The following FBXO43 variants were observed in gnomAD, a reference collection of about 807,000 sequenced individuals.
The protein encoded by FBXO43 is F-box only protein 43.
A neutral mutation model predicts 56.7 loss-of-function variants in FBXO43; 22 were observed. The observed-to-expected ratio is 0.39, with a 90% confidence interval of 0.28 to 0.55. FBXO43 has a LOEUF of 0.55. Ranked by LOEUF, FBXO43 falls within the 20% of genes least tolerant of loss-of-function variation. FBXO43 has a pLI of 0.66. For synonymous variants in FBXO43, 306 were observed against 294.5 expected (o/e 1.04, Z -0.40); for missense variants, 733 against 814.9 (o/e 0.90, Z 1.22).
intron 3 of FBXO43, chr8:100,136,902 C>T (rs1468903913): frequency 6.6e-6 from 1 of 152,202 alleles, no homozygotes; most frequent in Non-Finnish European, 1.5e-5. Flanking sequence ...TGAGCACTGG[C>T]ACAGTTAACT....
At chr8:100,140,351 T>G (rs1412597657) in intron 2 of FBXO43, among the ~76,000 whole-genome samples, 1 of 152,068 alleles carries the variant, frequency 6.6e-6, no homozygotes, top group Non-Finnish European at 1.5e-5. Context: ...GCGCCTGTAG[T>G]CCCAGCTACT....
intron 1 of FBXO43, 63 bp from the exon 2 acceptor site, chr8:100,142,231 A>G: frequency 7.2e-7 from 1 of 1,396,980 alleles, no homozygotes; most frequent in Admixed American, 2.6e-5. Context: ...TTATACCAAA[A>G]TACATTATTT....
At chr8:100,143,879 T>TTC (rs1218020359) in intron 1 of FBXO43, among the ~76,000 whole-genome samples, 1 of 152,142 alleles carries the variant, frequency 6.6e-6, no homozygotes, top group Non-Finnish European at 1.5e-5. Flanking sequence ...TCAACCAATT[T>TTC]TCCTGTATCA....
chr8:100,145,046 C>CT lies in FBXO43; in HGVS notation c.85+4dup. On this transcript the variant is annotated splice_donor_region_variant and intron_variant, in intron 1 of 4. Transcript: ENST00000428847. ...TTCTTCATTTGTTAAAGTGGAAACT[C>CT]TTACCATCAGTAAATCTTGAGCTCT... The CT allele has an allele frequency of 6.2e-7, 1 of 1,609,302 alleles. No individual in the cohort carries two copies. Among genetic ancestry groups the CT allele is most frequent in the African/African-American group, 1.3e-5 (1 of 74,832 alleles).
Position 100,141,362 on chromosome 8 carries a change from T to A in FBXO43, c.892A>T (p.Ile298Leu). The A allele has an allele frequency of 6.2e-7, 1 of 1,613,498 alleles. No individual in the cohort carries two copies. Among genetic ancestry groups the A allele is most frequent in the Non-Finnish European group, 8.5e-7 (1 of 1,180,024 alleles). Residue 298 changes from isoleucine to leucine, a missense_variant, in exon 2 of 5, where the codon ATA becomes TTA. By Grantham distance (5) the Ile-to-Leu change is conservative. Coordinates refer to ENST00000428847, the MANE Select transcript of FBXO43 (RefSeq NM_001029860.4). ...SGTTCGTDED[I>L]FVTPISNLVA... ...AGATTACTTATCGGAGTCACAAATA[T>A]GTCCTCATCTGTTCCACAAGTTGTT... is the stretch of plus-strand genomic sequence containing the variant.
upstream of FBXO43, among the ~76,000 whole-genome samples, chr8:100,146,891 A>G (rs1814841587): frequency 2.0e-5 from 3 of 152,204 alleles, no homozygotes; most frequent in Non-Finnish European, 4.4e-5. Flanking sequence ...TCTGTCACGC[A>G]CGCTGGAGTG....
chr8:100,135,922 C>T (rs887801430), intron 3 of FBXO43, among the ~76,000 whole-genome samples: 1 of 149,186 alleles, frequency 6.7e-6, no homozygotes, highest in African/African-American at 2.5e-5. Context: ...GAGACTATTT[C>T]TTTTCTTTTT....
chr8:100,134,502 A>C (rs2132117431), intron 3 of FBXO43, 138 bp from the exon 4 acceptor site: 2 of 537,748 alleles, frequency 3.7e-6, no homozygotes, highest in East Asian at 6.7e-5. Context: ...CCTTTTCAGA[A>C]AAAAAAACAA....
In FBXO43 at chr8:100,141,966, C is replaced by G; in HGVS notation, c.288G>C (p.Lys96Asn). The change falls in exon 2 of 5, where the codon AAG (lysine) becomes AAC (asparagine). Residue 96 changes from lysine (K) to asparagine (N), a missense_variant. Physicochemically the swap from Lys to Asn is moderately conservative, Grantham distance 94 (BLOSUM62 0). Transcript: ENST00000428847. Reference protein sequence around the residue: ...FDNIDKEYLGKKEKGPTLLYE... With the variant: ...FDNIDKEYLGNKEKGPTLLYE... ...AGAGTAATGTTGGGCCTTTTTCTTT[C>G]TTTCCAAGATATTCTTTATCTATAT... is the stretch of plus-strand genomic sequence containing the variant. 2 of 1,605,038 alleles carry G rather than the reference C, an allele frequency of 1.2e-6. No homozygotes were observed. The highest frequency in any genetic ancestry group is 1.7e-6 in the Non-Finnish European group (2 of 1,176,742).
At chr8:100,135,117 A>G (rs1385771623) in intron 3 of FBXO43, among the ~76,000 whole-genome samples, 4 of 152,254 alleles carry the variant, frequency 2.6e-5, no homozygotes, top group Non-Finnish European at 4.4e-5. Context: ...ATCATAGTGT[A>G]CAACATACTA....
chr8:100,139,501 G>C (rs1814573451), intron 2 of FBXO43, among the ~76,000 whole-genome samples: 1 of 152,178 alleles, frequency 6.6e-6, no homozygotes, highest in Non-Finnish European at 1.5e-5. Context: ...TATCAAGAAA[G>C]AGGCTCACTA....
At position 100,133,938 on chromosome 8, in the gene FBXO43, C is replaced by T. The variant is rs954702094; in HGVS notation, c.1991G>A (p.Gly664Asp). ...KRGLCSRTAC[G>D]FDFCVLCLCA... ...CAGACATAACACACAAAAGTCAAAACCACAGGCTGTTCGGCTACACAGTCC... is the reference window on the plus strand; with the variant it reads ...CAGACATAACACACAAAAGTCAAAATCACAGGCTGTTCGGCTACACAGTCC... The change falls in exon 5 of 5, where the codon GGT (glycine) becomes GAT (aspartate). Residue 664 changes from glycine to aspartate, a missense_variant. Gly to Asp is a moderately conservative substitution (Grantham distance 94, BLOSUM62 -1). Coordinates refer to ENST00000428847, the MANE Select transcript of FBXO43 (RefSeq NM_001029860.4). 1 of 1,614,136 alleles carries T rather than the reference C, an allele frequency of 6.2e-7. No homozygotes were observed. Among genetic ancestry groups the T allele is most frequent in the East Asian group, 2.2e-5 (1 of 44,882 alleles).
At chr8:100,150,228 A>G (rs1305952550), upstream of FBXO43, among the ~76,000 whole-genome samples, 4 of 152,216 alleles carry the variant, frequency 2.6e-5, no homozygotes, top group African/African-American at 9.6e-5. Flanking sequence ...CAGATATCAA[A>G]CAATTTTTAA....
At chr8:100,144,540 AAATC>A (rs1814758484) in intron 1 of FBXO43, among the ~76,000 whole-genome samples, 1 of 152,110 alleles carries the variant, frequency 6.6e-6, no homozygotes, top group Non-Finnish European at 1.5e-5. Context: ...GTTCACGGAT[AAATC>A]AATCAAGCCT....
At chr8:100,137,445 T>C in intron 3 of FBXO43, 120 bp downstream of exon 3, 2 of 636,072 alleles carry the variant, frequency 3.1e-6, no homozygotes, top group Non-Finnish European at 5.4e-6. Context: ...AATTTATGAG[T>C]GAATGTTTGT....
At chr8:100,140,418 C>T (rs1464479645) in intron 2 of FBXO43, among the ~76,000 whole-genome samples, 5 of 151,916 alleles carry the variant, frequency 3.3e-5, no homozygotes, top group Non-Finnish European at 7.4e-5. Flanking sequence ...TGCAGTGAGC[C>T]GAGATCACGC....
chr8:100,140,914 T>A lies in FBXO43; in HGVS notation c.1340A>T (p.His447Leu), dbSNP rs1814620725. The A allele has an allele frequency of 6.2e-7, 1 of 1,614,116 alleles. No individual in the cohort carries two copies. Among genetic ancestry groups the A allele is most frequent in the Non-Finnish European group, 8.5e-7 (1 of 1,180,048 alleles). ...CCTCTTGCTTTTCATGAACAGCTCA[T>A]GTACCAATTGCAAGGCTGGGGTCTT... Reference protein sequence around the residue: ...LSKTPALQLVHELFMKSKRKR... With the variant: ...LSKTPALQLVLELFMKSKRKR... Residue 447 changes from histidine (H) to leucine (L), a missense_variant, in exon 2 of 5, where the codon CAT becomes CTT. Physicochemically the swap from His to Leu is moderately conservative, Grantham distance 99. Coordinates refer to ENST00000428847, the MANE Select transcript of FBXO43 (RefSeq NM_001029860.4).
chr8:100,148,327 T>C (rs748363395), upstream of FBXO43, among the ~76,000 whole-genome samples: 8 of 152,238 alleles, frequency 5.3e-5, no homozygotes, highest in East Asian at 3.8e-4. Context: ...CACCTAGTTA[T>C]ATGTAGTTTG....
At chr8:100,136,958 G>C (rs1189476042) in intron 3 of FBXO43, 6 of 152,064 alleles carry the variant, frequency 3.9e-5, no homozygotes, top group Non-Finnish European at 7.3e-5. Flanking sequence ...ATGCTATAAG[G>C]GTATCTCATT....
Sources: allele counts gnomAD v4.1 joint callset (sites outside exome capture counted in the v4.1 genomes callset), GRCh38; gene constraint gnomAD v4.1.1; transcripts MANE v1.5; gene names NCBI Gene and HGNC (gene_info 2026-07-23, HGNC 2026-07-21).